BRINP3: variants seen among roughly 807,000 people sequenced by gnomAD.
BRINP3 encodes BMP/retinoic acid-inducible neural-specific protein 3.
BRINP3 carries 19 observed loss-of-function variants against 71.0 expected under a neutral mutation model. That is an observed-to-expected ratio of 0.27 (90% CI 0.19 to 0.39). The LOEUF is 0.39. Ranked by LOEUF, BRINP3 falls within the 10% of genes least tolerant of loss-of-function variation. The pLI, the probability that BRINP3 is intolerant of heterozygous loss-of-function variation, is 1.00. For missense variants in BRINP3, 959 were observed against 940.8 expected, an observed-to-expected ratio of 1.02 and a Z score of -0.25; for synonymous variants, 380 against 337.7, an observed-to-expected ratio of 1.13 and a Z score of -1.37.
At chr1:190,166,136 T>C (rs1651515093) in intron 6 of BRINP3, among the ~76,000 whole-genome samples, 1 of 152,168 alleles carries the variant, frequency 6.6e-6, no homozygotes, top group Non-Finnish European at 1.5e-5. Flanking sequence ...GCCATGGGTA[T>C]AGAGTTTATA....
chr1:190,409,916 G>T (rs1409141587), intron 2 of BRINP3, among the ~76,000 whole-genome samples: 3 of 152,070 alleles, frequency 2.0e-5, no homozygotes, highest in Non-Finnish European at 4.4e-5. Flanking sequence ...ATCACCTAAG[G>T]CATGATGAGC....
At chr1:190,435,069 A>G (rs947468773) in intron 2 of BRINP3, among the ~76,000 whole-genome samples, 1 of 152,154 alleles carries the variant, frequency 6.6e-6, no homozygotes, top group Non-Finnish European at 1.5e-5. Context: ...TCTTTTTGGA[A>G]TGGTTTTATT....
intron 2 of BRINP3, among the ~76,000 whole-genome samples, chr1:190,315,521 G>T (rs1665823029): frequency 6.6e-6 from 1 of 152,154 alleles, no homozygotes; most frequent in Non-Finnish European, 1.5e-5. Flanking sequence ...AAATTCGGAA[G>T]TCTTCAGCAT....
intron 2 of BRINP3, among the ~76,000 whole-genome samples, chr1:190,368,174 C>T (rs749134317): frequency 3.3e-5 from 5 of 152,094 alleles, no homozygotes; most frequent in Non-Finnish European, 5.9e-5. Flanking sequence ...TTCCGCATAA[C>T]TGGGGAGGCC....
intron 1 of BRINP3, among the ~76,000 whole-genome samples, chr1:190,473,795 T>C (rs2102721768): frequency 6.6e-6 from 1 of 151,160 alleles, no homozygotes; most frequent in South Asian, 2.1e-4. Flanking sequence ...TTTTCAGTTT[T>C]CCAACTGGTT....
chr1:190,237,678 G>A (rs1305996282), intron 4 of BRINP3, among the ~76,000 whole-genome samples: 1 of 151,938 alleles, frequency 6.6e-6, no homozygotes, highest in East Asian at 1.9e-4. Context: ...TTTATTCGCA[G>A]CACACAAATA....
intron 6 of BRINP3, among the ~76,000 whole-genome samples, chr1:190,225,344 C>T (rs1413045328): frequency 6.6e-6 from 1 of 151,606 alleles, no homozygotes; most frequent in African/African-American, 2.4e-5. Context: ...GAACAAGAGG[C>T]CTTTATATTA....
chr1:190,168,985 T>A (rs1318452915), intron 6 of BRINP3, among the ~76,000 whole-genome samples: 4 of 152,178 alleles, frequency 2.6e-5, no homozygotes, highest in South Asian at 4.1e-4. Context: ...ATTCTGGGTT[T>A]AAGTAATTTC....
chr1:190,198,148 A>AG (rs1654661210), intron 6 of BRINP3, among the ~76,000 whole-genome samples: 4 of 151,656 alleles, frequency 2.6e-5, no homozygotes, highest in Non-Finnish European at 4.4e-5. Flanking sequence ...TATGTCTGTG[A>AG]CATAAGGAAC....
rs367715031 is a variant in BRINP3 at position 190,098,164 on chromosome 1, G to A, written c.2155C>T (p.Arg719Cys). 6.2e-7 allele frequency: 1 copy of A among 1,614,126 alleles called. No homozygotes were observed. The highest frequency in any genetic ancestry group is 8.5e-7 in the Non-Finnish European group (1 of 1,180,020). ...AAGCAAGAGAAAAGATCTAGACGAC[G>A]CTGACCAGGTGGGGAGAGTTTATTT... ...RVNKLSPPGQRRLDLFSCLLR... is the reference protein window; with the variant it reads ...RVNKLSPPGQCRLDLFSCLLR... The change falls in exon 8 of 8, where the codon CGT becomes TGT. Residue 719 changes from arginine (R) to cysteine (C), a missense_variant. Coordinates refer to ENST00000367462, the MANE Select transcript of BRINP3 (RefSeq NM_199051.3).
chr1:190,251,261 A>G (rs1330239789), intron 4 of BRINP3, among the ~76,000 whole-genome samples: 1 of 151,886 alleles, frequency 6.6e-6, no homozygotes, highest in East Asian at 1.9e-4. Flanking sequence ...CTATGAGCAT[A>G]ATTTTTAAAA....
intron 2 of BRINP3, among the ~76,000 whole-genome samples, chr1:190,385,919 A>G (rs1480459123): frequency 1.4e-5 from 2 of 147,534 alleles, no homozygotes; most frequent in African/African-American, 2.5e-5. Context: ...TGATGAGTTC[A>G]TGTCCTTTGT....
chr1:190,475,112 T>C (rs1677416519), intron 1 of BRINP3, among the ~76,000 whole-genome samples: 1 of 151,816 alleles, frequency 6.6e-6, no homozygotes, highest in South Asian at 2.1e-4. Flanking sequence ...TTCTTGGGAG[T>C]TGGTGAAGGA....
chr1:190,138,983 C>G (rs1396661488), intron 7 of BRINP3, among the ~76,000 whole-genome samples: 2 of 151,790 alleles, frequency 1.3e-5, no homozygotes, highest in African/African-American at 4.8e-5. Context: ...AGAATCAACC[C>G]AAGAAAGGAG....
Position 190,098,968 on chromosome 1 carries a change from T to A in BRINP3, c.1351A>T (p.Thr451Ser), listed in dbSNP as rs1391109773. The change falls in exon 8 of 8, where the codon ACA becomes TCA. Residue 451 changes from threonine (T) to serine (S), a missense_variant. By Grantham distance (58) the Thr-to-Ser change is moderately conservative. Transcript: ENST00000367462. ...CTVGDASACL[T>S]CAPDNRTRCG... ...CGGGTGCGGTTGTCTGGTGCGCATG[T>A]CAGGCAGGCAGAGGCGTCTCCCACT... 6.2e-7 allele frequency: 1 copy of A among 1,614,138 alleles called. No individual in the cohort carries two copies. Among genetic ancestry groups the A allele is most frequent in the Non-Finnish European group, 8.5e-7 (1 of 1,180,026 alleles).
chr1:190,460,554 T>C (rs1482372023), intron 1 of BRINP3, among the ~76,000 whole-genome samples: 1 of 152,160 alleles, frequency 6.6e-6, no homozygotes, highest in Non-Finnish European at 1.5e-5. Context: ...ATCTTATTGA[T>C]CAATTGCAAT....
chr1:190,399,403 T>C lies in BRINP3; in HGVS notation c.236+55252A>G, dbSNP rs1030532652. ...AGCTAATTTGTGATCCTTTGTGCCC[T>C]TTCATCAAATTACAATGGCTTCAAA... On this transcript the variant is annotated intron_variant, in intron 2 of 7. Transcript: ENST00000367462. Among the ~76,000 whole-genome samples, 8 of 152,092 alleles carry C rather than the reference T, an allele frequency of 5.3e-5. No homozygotes were observed. The South Asian group carries it at 1.0e-3, about 20-fold the overall frequency.
At chr1:190,359,175 T>C (rs1668961078) in intron 2 of BRINP3, among the ~76,000 whole-genome samples, 1 of 151,458 alleles carries the variant, frequency 6.6e-6, no homozygotes, top group African/African-American at 2.4e-5. Flanking sequence ...AATAAAAAAA[T>C]AAAAAATGAT....
At chr1:190,323,121 A>G (rs1474932485) in intron 2 of BRINP3, among the ~76,000 whole-genome samples, 1 of 152,050 alleles carries the variant, frequency 6.6e-6, no homozygotes, top group Non-Finnish European at 1.5e-5. Flanking sequence ...CAATTGAAGT[A>G]TATGCATAAA....
Sources: allele counts gnomAD v4.1 joint callset (sites outside exome capture counted in the v4.1 genomes callset), GRCh38; gene constraint gnomAD v4.1.1; transcripts MANE v1.5; gene names NCBI Gene and HGNC (gene_info 2026-07-23, HGNC 2026-07-21).